TMEM177: variants seen among roughly 807,000 people sequenced by gnomAD.
TMEM177 encodes the protein transmembrane protein 177.
In TMEM177, 4 loss-of-function variants were observed where a neutral mutation model predicts 14.2. That is an observed-to-expected ratio of 0.28 (90% CI 0.14 to 0.64). The LOEUF is 0.64. Ranked by LOEUF, TMEM177 falls within the 30% of genes least tolerant of loss-of-function variation. The pLI is 0.82. For missense variants in TMEM177, 344 were observed against 405.2 expected (o/e 0.85, Z 1.30); for synonymous variants, 179 against 174.5 (o/e 1.03, Z -0.20).
the TMEM177 span, among the ~76,000 whole-genome samples, chr2:119,705,778 G>A: frequency 1.1e-4 from 17 of 151,662 alleles, no homozygotes; most frequent in Non-Finnish European, 1.6e-4. Flanking sequence ...AAGAATAGAC[G>A]GTGGGGGTTA....
At chr2:119,708,428 C>T in the TMEM177 span, among the ~76,000 whole-genome samples, 1 of 152,158 alleles carries the variant, frequency 6.6e-6, no homozygotes, top group Non-Finnish European at 1.5e-5. Flanking sequence ...CCCGTGTTCA[C>T]AAATTAACAC....
the TMEM177 span, among the ~76,000 whole-genome samples, chr2:119,702,737 G>A: frequency 6.6e-6 from 1 of 152,246 alleles, no homozygotes; most frequent in African/African-American, 2.4e-5. Context: ...TGGGGAGTGT[G>A]ATTGCAGAAG....
At chr2:119,719,346 GT>G in the TMEM177 span, among the ~76,000 whole-genome samples, 1 of 152,218 alleles carries the variant, frequency 6.6e-6, no homozygotes, top group African/African-American at 2.4e-5. Flanking sequence ...CATAGTATGT[GT>G]TCTTTGGGGT....
chr2:119,716,842 C>T, the TMEM177 span, among the ~76,000 whole-genome samples: 5 of 152,158 alleles, frequency 3.3e-5, no homozygotes, highest in East Asian at 7.7e-4. Context: ...ATCACTTTCT[C>T]GTAAGTACAT....
the TMEM177 span, among the ~76,000 whole-genome samples, chr2:119,710,835 C>A: frequency 5.5e-4 from 83 of 152,020 alleles, no homozygotes; most frequent in African/African-American, 1.9e-3. Context: ...TGGTCTCGAT[C>A]TCCTGACCTC....
At chr2:119,689,365 G>C, downstream of TMEM177, among the ~76,000 whole-genome samples, 1 of 152,190 alleles carries the variant, frequency 6.6e-6, no homozygotes, top group East Asian at 1.9e-4. Context: ...ATGTGTGAGG[G>C]AGCATAGGAG....
downstream of TMEM177, among the ~76,000 whole-genome samples, chr2:119,685,104 GT>G (rs1688989070): frequency 6.6e-6 from 1 of 151,992 alleles, no homozygotes; most frequent in Non-Finnish European, 1.5e-5. Flanking sequence ...GGTTCTGTGG[GT>G]ATGAACCTGC....
chr2:119,680,923 T>C lies in TMEM177; in HGVS notation c.70T>C (p.Cys24Arg). 4 of 1,614,220 alleles carry C rather than the reference T, an allele frequency of 2.5e-6. No homozygotes were observed. The highest frequency in any genetic ancestry group is 3.4e-6 in the Non-Finnish European group (4 of 1,180,024). The change falls in exon 2 of 2, where the codon TGT becomes CGT. Residue 24 changes from cysteine (C) to arginine (R), a missense_variant. Cys to Arg is a radical substitution (Grantham distance 180). Coordinates refer to ENST00000272521, the MANE Select transcript of TMEM177 (RefSeq NM_030577.3). ...CAGGACAGGCCTCTTGGTGGGTTCC[T>C]GTGCAGGCCTGTTTGGAGTTCCAAT... ...RHRTGLLVGS[C>R]AGLFGVPISY... is the part of the protein sequence containing the mutation.
At chr2:119,691,133 G>C (rs538592254), downstream of TMEM177, among the ~76,000 whole-genome samples, 2 of 152,134 alleles carry the variant, frequency 1.3e-5, no homozygotes, top group South Asian at 4.1e-4. Context: ...TGCCCTTGCC[G>C]GGGGGCAAAT....
At chr2:119,709,095 G>C in the TMEM177 span, among the ~76,000 whole-genome samples, 1 of 152,228 alleles carries the variant, frequency 6.6e-6, no homozygotes, top group Non-Finnish European at 1.5e-5. Context: ...AGAATGCACA[G>C]CAAGTTGGCA....
the TMEM177 span, among the ~76,000 whole-genome samples, chr2:119,703,761 G>A: frequency 6.6e-6 from 1 of 152,146 alleles, no homozygotes; most frequent in African/African-American, 2.4e-5. Context: ...GGAGAGGCTG[G>A]GATCTGTCTC....
the TMEM177 span, among the ~76,000 whole-genome samples, chr2:119,712,208 C>A: frequency 6.6e-6 from 1 of 151,826 alleles, no homozygotes; most frequent in Non-Finnish European, 1.5e-5. Context: ...GATAGCACCT[C>A]ACTTTGATAG....
At chr2:119,718,879 T>G in the TMEM177 span, among the ~76,000 whole-genome samples, 1 of 152,196 alleles carries the variant, frequency 6.6e-6, no homozygotes, top group African/African-American at 2.4e-5. Flanking sequence ...ATGTTTCCTA[T>G]GAAAGCAGTT....
the TMEM177 span, among the ~76,000 whole-genome samples, chr2:119,711,978 G>T: frequency 3.9e-5 from 6 of 152,118 alleles, no homozygotes; most frequent in Non-Finnish European, 5.9e-5. Context: ...GGCAGCTCCG[G>T]CAGCAGAATT....
chr2:119,694,708 T>C, the TMEM177 span, among the ~76,000 whole-genome samples: 1 of 152,218 alleles, frequency 6.6e-6, no homozygotes, highest in Non-Finnish European at 1.5e-5. Context: ...TTCTCTGTCG[T>C]ACACGCCCCT....
At chr2:119,685,249 C>A (rs560409386), downstream of TMEM177, among the ~76,000 whole-genome samples, 7 of 124,366 alleles carry the variant, frequency 5.6e-5, no homozygotes, top group Non-Finnish European at 9.6e-5. Flanking sequence ...CACACACACA[C>A]AAACACACAC....
At chr2:119,690,328 C>T (rs1273376892), downstream of TMEM177, among the ~76,000 whole-genome samples, 1 of 151,908 alleles carries the variant, frequency 6.6e-6, no homozygotes, top group Admixed American at 6.6e-5. Flanking sequence ...GTAAGTTTCC[C>T]GAGGCCTCCC....
At chr2:119,696,898 G>C in the TMEM177 span, among the ~76,000 whole-genome samples, 25 of 152,310 alleles carry the variant, frequency 1.6e-4, no homozygotes, top group Admixed American at 9.8e-4. Context: ...TCTTGTGAAG[G>C]ATGGACAGGA....
the TMEM177 span, among the ~76,000 whole-genome samples, chr2:119,716,461 A>G: frequency 6.6e-5 from 10 of 152,152 alleles, no homozygotes; most frequent in Admixed American, 5.2e-4. Flanking sequence ...TGGGTACGAG[A>G]CCAGCTGGCT....
Sources: gnomAD v4.1 joint callset for allele counts (sites outside exome capture counted in the v4.1 genomes callset) on GRCh38, gnomAD v4.1.1 for gene constraint, MANE v1.5 for transcripts, NCBI Gene and HGNC (gene_info 2026-07-23, HGNC 2026-07-21) for gene names.